Variants in XBP1 observed in about 807,000 individuals in gnomAD.
XBP1 encodes the protein X-box binding protein 1.
Under a neutral mutation model 34.6 loss-of-function variants are expected in XBP1, and 18 were observed. The ratio of observed to expected loss-of-function variants is 0.52; its 90% CI spans 0.36 to 0.77. The LOEUF is 0.77. Ranked by LOEUF, XBP1 falls within the 30% of genes least tolerant of loss-of-function variation. The pLI, the probability that XBP1 is intolerant of heterozygous loss-of-function variation, is 0.00. For missense variants in XBP1, 422 were observed against 464.6 expected, an observed-to-expected ratio of 0.91 and a Z score of 0.84; for synonymous variants, 191 against 193.4, an observed-to-expected ratio of 0.99 and a Z score of 0.11.
intron 2 of XBP1, 66 bp from the exon 3 acceptor site, chr22:28,797,271 C>T: frequency 6.5e-7 from 1 of 1,541,460 alleles, no homozygotes; most frequent in Non-Finnish European, 8.8e-7. Context: ...CTACCTGATT[C>T]AGTATAATTG....
chr22:28,799,034 A>T, intron 2 of XBP1, 23 bp downstream of exon 2: 1 of 1,589,708 alleles, frequency 6.3e-7, no homozygotes, highest in Non-Finnish European at 8.6e-7. Flanking sequence ...TGGATAAAAG[A>T]GTTTGACCTT....
chr22:28,799,057 C>T, exon 2 of XBP1: 1 of 1,613,166 alleles, frequency 6.2e-7, no homozygotes, highest in South Asian at 1.1e-5. Flanking sequence ...GTAGTTTTAC[C>T]TCTTCTTCTA....
intron 1 of XBP1, chr22:28,799,875 A>G: frequency 1.4e-6 from 1 of 711,038 alleles, no homozygotes. Flanking sequence ...TGAGCCTCGC[A>G]GAATTCCCAG....
chr22:28,798,089 A>AC (rs1247666837), intron 2 of XBP1, among the ~76,000 whole-genome samples: 1 of 152,180 alleles, frequency 6.6e-6, no homozygotes, highest in Non-Finnish European at 1.5e-5. Flanking sequence ...GGGGAAAGGA[A>AC]CCTTTAGTGA....
chr22:28,798,337 G>C (rs1458033808), intron 2 of XBP1, among the ~76,000 whole-genome samples: 1 of 135,766 alleles, frequency 7.4e-6, no homozygotes, highest in Non-Finnish European at 1.5e-5. Flanking sequence ...TTTTTGCTCT[G>C]TCGCCCAGAC....
At chr22:28,799,955 T>G in intron 1 of XBP1, 1 of 779,298 alleles carries the variant, frequency 1.3e-6, no homozygotes, top group Non-Finnish European at 2.4e-6. Flanking sequence ...AACAGATTAT[T>G]CGACCTCATG....
chr22:28,795,819 G>A (rs2031740021), intron 5 of XBP1, 87 bp from the exon 6 acceptor site: 1 of 1,398,664 alleles, frequency 7.1e-7, no homozygotes, highest in Non-Finnish European at 9.7e-7. Flanking sequence ...GTTCCATAAT[G>A]TAAATTAGTC....
At chr22:28,794,604 GA>G (rs1162492721), downstream of XBP1, 1 of 152,316 alleles carries the variant, frequency 6.6e-6, no homozygotes, top group East Asian at 1.9e-4. Flanking sequence ...AATAAATGGA[GA>G]AAGCACCTTT....
intron 1 of XBP1, among the ~76,000 whole-genome samples, chr22:28,799,768 GACTAAGTGC>G (rs1293411459): frequency 6.6e-6 from 1 of 152,142 alleles, no homozygotes; most frequent in Non-Finnish European, 1.5e-5. Flanking sequence ...ATTTACGGAG[GACTAAGTGC>G]TAGGCACATT....
intron 1 of XBP1, chr22:28,799,899 T>A: frequency 1.3e-6 from 1 of 759,420 alleles, no homozygotes; most frequent in East Asian, 2.5e-5. Flanking sequence ...TTTCAACAGC[T>A]CTGTTATTTC....
downstream of XBP1, chr22:28,794,911 T>C: frequency 6.2e-6 from 2 of 321,700 alleles, no homozygotes; most frequent in Non-Finnish European, 5.6e-6. Context: ...ACCACCCTTT[T>C]AAGATAAAAG....
chr22:28,797,280 T>A, intron 2 of XBP1, 75 bp from the exon 3 acceptor site: 1 of 1,519,826 alleles, frequency 6.6e-7, no homozygotes. Flanking sequence ...TCAGTATAAT[T>A]GGTTTCCTTT....
intron 3 of XBP1, 59 bp from the exon 4 acceptor site, chr22:28,796,251 G>A (rs1476517238): frequency 5.5e-6 from 8 of 1,453,030 alleles, no homozygotes; most frequent in South Asian, 1.5e-5. Flanking sequence ...ATGCTTGCTA[G>A]ACAGCTGTGA....
intron 5 of XBP1, 38 bp from the exon 6 acceptor site, chr22:28,795,770 G>T (rs774336904): frequency 1.3e-6 from 2 of 1,506,684 alleles, no homozygotes; most frequent in Non-Finnish European, 1.8e-6. Flanking sequence ...ACAACTGTCA[G>T]AATACAATGG....
At chr22:28,800,484 G>A (rs1200590904) in exon 1 of XBP1, 1 of 1,485,876 alleles carries the variant, frequency 6.7e-7, no homozygotes, top group Non-Finnish European at 8.9e-7. Flanking sequence ...AACTTTAGGG[G>A]TCCCGTCGGC....
exon 1 of XBP1, chr22:28,800,434 G>A (rs2031860334): frequency 6.8e-7 from 1 of 1,481,134 alleles, no homozygotes; most frequent in South Asian, 1.3e-5. Flanking sequence ...TGGCCGGCCG[G>A]GGCTCCGGCG....
exon 1 of XBP1, chr22:28,800,443 C>T (rs1441327428): frequency 3.4e-6 from 5 of 1,473,512 alleles, no homozygotes; most frequent in Middle Eastern, 3.8e-4. Flanking sequence ...GGGGCTCCGG[C>T]GGCGGAGGCG....
At chr22:28,795,010 A>C (rs993994860), downstream of XBP1, 8 of 565,346 alleles carry the variant, frequency 1.4e-5, no homozygotes, top group African/African-American at 5.7e-5. Context: ...TGGATGTCAA[A>C]AGACAATACC....
intron 2 of XBP1, among the ~76,000 whole-genome samples, chr22:28,798,266 A>G (rs1323631872): frequency 6.7e-6 from 1 of 148,362 alleles, no homozygotes; most frequent in Non-Finnish European, 1.5e-5. Flanking sequence ...AACAAGCTTC[A>G]CCACTTCACC....
Sources: gnomAD v4.1 joint callset for allele counts (sites outside exome capture counted in the v4.1 genomes callset) on GRCh38, gnomAD v4.1.1 for gene constraint, MANE v1.5 for transcripts, NCBI Gene and HGNC (gene_info 2026-07-23, HGNC 2026-07-21) for gene names.